Variants in CNTNAP2 observed in about 807,000 individuals in gnomAD.
CNTNAP2 encodes contactin-associated protein-like 2.
Under a neutral mutation model 155.2 loss-of-function variants are expected in CNTNAP2, and 98 were observed. The observed-to-expected ratio is 0.63, with a 90% confidence interval of 0.54 to 0.75. The LOEUF (loss-of-function observed/expected upper bound fraction) is 0.75. Among genes scored for constraint, CNTNAP2 ranks in the 30% least tolerant of loss-of-function variants. The probability of loss-of-function intolerance (pLI) is 0.00; values close to 1 mark genes in which losing one functional copy is unlikely to be tolerated. For missense variants in CNTNAP2, 1,727 were observed against 1,688.1 expected (o/e 1.02, Z -0.40); for synonymous variants, 651 against 631.2 (o/e 1.03, Z -0.47).
intron 11 of CNTNAP2, among the ~76,000 whole-genome samples, chr7:147,555,639 T>C (rs1328266466): frequency 2.6e-5 from 4 of 152,268 alleles, no homozygotes; most frequent in Admixed American, 6.5e-5. Flanking sequence ...CTGCTTATGA[T>C]GTTCCAAAGA....
chr7:148,392,769 G>T (rs905944124), intron 22 of CNTNAP2, among the ~76,000 whole-genome samples: 3 of 152,180 alleles, frequency 2.0e-5, no homozygotes, highest in African/African-American at 7.2e-5. Context: ...CACTCAGGTT[G>T]GCAGAGTGGC....
At chr7:148,162,537 A>G (rs1805568365) in intron 17 of CNTNAP2, among the ~76,000 whole-genome samples, 2 of 152,176 alleles carry the variant, frequency 1.3e-5, no homozygotes, top group Non-Finnish European at 2.9e-5. Flanking sequence ...TGGTTTCAAA[A>G]CTGTAGTACT....
chr7:148,064,802 G>A (rs1044838747), intron 15 of CNTNAP2, among the ~76,000 whole-genome samples: 1 of 151,490 alleles, frequency 6.6e-6, no homozygotes, highest in Admixed American at 6.6e-5. Flanking sequence ...GTTTTACTCC[G>A]ATCTTTGTTA....
chr7:146,765,690 G>C (rs1237669132), intron 1 of CNTNAP2, among the ~76,000 whole-genome samples: 1 of 152,176 alleles, frequency 6.6e-6, no homozygotes, highest in Non-Finnish European at 1.5e-5. Context: ...TCAGATTGTG[G>C]TGAGTGCTGT....
intron 10 of CNTNAP2, among the ~76,000 whole-genome samples, chr7:147,396,751 T>C (rs1407740331): frequency 1.3e-5 from 2 of 152,074 alleles, no homozygotes; most frequent in African/African-American, 4.8e-5. Context: ...TGAATTTATA[T>C]GATTTTCTAA....
chr7:147,432,911 T>C (rs1797489444), intron 10 of CNTNAP2, among the ~76,000 whole-genome samples: 1 of 152,236 alleles, frequency 6.6e-6, no homozygotes, highest in Non-Finnish European at 1.5e-5. Flanking sequence ...TGATTAAATA[T>C]GCATTCGCAT....
chr7:146,133,777 C>CT (rs1334938654), intron 1 of CNTNAP2, among the ~76,000 whole-genome samples: 6 of 152,158 alleles, frequency 3.9e-5, no homozygotes, highest in African/African-American at 1.4e-4. Flanking sequence ...ATCTATATCT[C>CT]TGTTTTGGTA....
At chr7:147,262,396 C>CTTTAAATAAGTATTTAAATAAGT (rs1201768906) in intron 8 of CNTNAP2, among the ~76,000 whole-genome samples, 1 of 152,098 alleles carries the variant, frequency 6.6e-6, no homozygotes, top group African/African-American at 2.4e-5. Flanking sequence ...GAGACAGAGG[C>CTTTAAATAAGTATTTAAATAAGT]TTTAAATAAG....
chr7:147,328,834 G>A (rs1018576921), intron 9 of CNTNAP2, among the ~76,000 whole-genome samples: 3 of 61,158 alleles, frequency 4.9e-5, no homozygotes, highest in Admixed American at 1.7e-4. Flanking sequence ...AGCAGTGGTT[G>A]GGAACTGGAG....
intron 1 of CNTNAP2, among the ~76,000 whole-genome samples, chr7:146,537,512 A>C (rs13237039): frequency 0.34 from 51,442 of 151,844 alleles, 8,918 homozygotes; most frequent in East Asian, 0.46. Context: ...TAGAGTCAGG[A>C]AAGTAAATTA....
intron 1 of CNTNAP2, among the ~76,000 whole-genome samples, chr7:146,380,217 C>T (rs967060769): frequency 2.6e-5 from 4 of 152,168 alleles, no homozygotes; most frequent in Non-Finnish European, 5.9e-5. Context: ...AAAAAATACA[C>T]TCAAATTGCC....
chr7:147,586,737 G>C (rs939060314), intron 12 of CNTNAP2, among the ~76,000 whole-genome samples: 1 of 152,152 alleles, frequency 6.6e-6, no homozygotes, highest in Admixed American at 6.6e-5. Context: ...AGCCAGACTA[G>C]TGAGTCAGGG....
chr7:148,346,645 A>G (rs1193430781), intron 21 of CNTNAP2, among the ~76,000 whole-genome samples: 1 of 151,624 alleles, frequency 6.6e-6, no homozygotes, highest in Admixed American at 6.6e-5. Context: ...GGTGGCAGGC[A>G]CCTATAATCC....
chr7:147,788,264 T>C (rs138257258), intron 13 of CNTNAP2, among the ~76,000 whole-genome samples: 5 of 152,346 alleles, frequency 3.3e-5, no homozygotes, highest in East Asian at 1.9e-4. Flanking sequence ...TAAACTGTCC[T>C]AGTCAAATTT....
intron 13 of CNTNAP2, among the ~76,000 whole-genome samples, chr7:147,663,673 A>T (rs148029749): frequency 6.6e-6 from 1 of 152,234 alleles, no homozygotes; most frequent in South Asian, 2.1e-4. Flanking sequence ...ACCAGTTTGC[A>T]TACTGTTTGC....
intron 16 of CNTNAP2, among the ~76,000 whole-genome samples, chr7:148,146,124 A>G (rs10485839): frequency 0.024 from 3,663 of 152,296 alleles, 59 homozygotes; most frequent in Middle Eastern, 0.048. Flanking sequence ...TCGTCTTAAA[A>G]TGGTACCAGC....
chr7:146,977,426 T>C (rs954606615), intron 3 of CNTNAP2, among the ~76,000 whole-genome samples: 3 of 152,122 alleles, frequency 2.0e-5, no homozygotes, highest in Admixed American at 6.6e-5. Context: ...TGAAACGATA[T>C]AATTATTGAG....
intron 1 of CNTNAP2, among the ~76,000 whole-genome samples, chr7:146,158,357 G>C (rs952342281): frequency 1.3e-5 from 2 of 152,192 alleles, no homozygotes; most frequent in African/African-American, 4.8e-5. Context: ...GCAGCTCCTT[G>C]CCAGCAATGG....
At chr7:148,194,136 AGT>A (rs5888309) in intron 18 of CNTNAP2, among the ~76,000 whole-genome samples, 104 of 141,730 alleles carry the variant, frequency 7.3e-4, no homozygotes, top group Middle Eastern at 3.5e-3. Flanking sequence ...ATGCCTGGCT[AGT>A]GTGTGTGTGT....
Sources: gnomAD v4.1 joint callset for allele counts (sites outside exome capture counted in the v4.1 genomes callset) on GRCh38, gnomAD v4.1.1 for gene constraint, MANE v1.5 for transcripts, NCBI Gene and HGNC (gene_info 2026-07-23, HGNC 2026-07-21) for gene names.